The following SRGAP3 variants were observed in gnomAD, a reference collection of about 807,000 sequenced individuals.
The protein encoded by SRGAP3 is SLIT-ROBO Rho GTPase activating protein 3, also known as SLIT-ROBO Rho GTPase-activating protein 3.
In SRGAP3, 39 loss-of-function variants were observed where a neutral mutation model predicts 121.1. The observed-to-expected ratio is 0.32, with a 90% CI of 0.25 to 0.42. The LOEUF (loss-of-function observed/expected upper bound fraction) is 0.42, where lower values mean the gene tolerates loss of function less well. Among genes scored for constraint, SRGAP3 ranks in the 10% least tolerant of loss-of-function variants. SRGAP3 has a pLI of 1.00. For missense variants in SRGAP3, 1,213 were observed against 1,470.6 expected (o/e 0.82, Z 2.86); for synonymous variants, 601 against 570.0 (o/e 1.05, Z -0.77).
At chr3:9,159,289 G>A (rs1437491720) in intron 1 of SRGAP3, among the ~76,000 whole-genome samples, 7 of 127,902 alleles carry the variant, frequency 5.5e-5, no homozygotes, top group African/African-American at 8.9e-5. Flanking sequence ...ATGTCCTCTC[G>A]CTTTTCACAT....
At chr3:9,127,997 C>A (rs1476022725) in intron 1 of SRGAP3, among the ~76,000 whole-genome samples, 1 of 151,760 alleles carries the variant, frequency 6.6e-6, no homozygotes, top group Non-Finnish European at 1.5e-5. Flanking sequence ...CCAAACTCAT[C>A]AAGATGCATA....
intron 1 of SRGAP3, among the ~76,000 whole-genome samples, chr3:9,341,459 G>A (rs1409858059): frequency 6.6e-6 from 1 of 152,174 alleles, no homozygotes; most frequent in Non-Finnish European, 1.5e-5. Context: ...AAATACCCAG[G>A]AGAAGGAAAA....
intron 3 of SRGAP3, among the ~76,000 whole-genome samples, chr3:9,282,230 C>A (rs1050184165): frequency 6.6e-6 from 1 of 152,050 alleles, no homozygotes; most frequent in African/African-American, 2.4e-5. Context: ...TCAATAGTTA[C>A]CAAATTAAAA....
intron 18 of SRGAP3, among the ~76,000 whole-genome samples, chr3:8,996,073 G>C (rs1942383072): frequency 6.6e-6 from 1 of 152,174 alleles, no homozygotes; most frequent in South Asian, 2.1e-4. Flanking sequence ...GTGACCTTGG[G>C]ATACTTAGTT....
intron 3 of SRGAP3, among the ~76,000 whole-genome samples, chr3:9,089,667 A>C (rs1300776878): frequency 3.3e-5 from 5 of 152,168 alleles, no homozygotes; most frequent in African/African-American, 1.2e-4. Flanking sequence ...CTCTGCTAGG[A>C]ATAAACCAGA....
At chr3:9,331,564 T>C (rs1031838815) in intron 1 of SRGAP3, among the ~76,000 whole-genome samples, 3 of 152,222 alleles carry the variant, frequency 2.0e-5, no homozygotes, top group African/African-American at 7.2e-5. Context: ...ACTAGCCACA[T>C]GGTAGACTAA....
intron 4 of SRGAP3, among the ~76,000 whole-genome samples, chr3:9,076,239 C>T (rs1946970357): frequency 6.6e-6 from 1 of 152,110 alleles, no homozygotes; most frequent in Non-Finnish European, 1.5e-5. Context: ...TGTTCTAAGT[C>T]ACAGAGTTTC....
rs558995252 is a variant in SRGAP3, at chr3:9,230,903, C to G, written c.67+17982G>C. ...AAAAGAAAAGAAAAAAGAGCAGACTCGTAGCAGGACATGAAAAGGGGCCAA... is the reference window on the plus strand; with the variant it reads ...AAAAGAAAAGAAAAAAGAGCAGACTGGTAGCAGGACATGAAAAGGGGCCAA... On this transcript the variant is annotated intron_variant, in intron 1 of 21. Coordinates refer to ENST00000383836, the MANE Select transcript of SRGAP3 (RefSeq NM_014850.4). Among the ~76,000 whole-genome samples, 4 of 151,782 alleles carry G rather than the reference C, an allele frequency of 2.6e-5. No homozygotes were observed. In the East Asian group the frequency reaches 7.7e-4, roughly 29 times the overall value.
chr3:9,000,814 G>C (rs892099332), intron 18 of SRGAP3, among the ~76,000 whole-genome samples: 15 of 152,156 alleles, frequency 9.9e-5, no homozygotes, highest in African/African-American at 3.6e-4. Flanking sequence ...ACTGCTGAAA[G>C]AATAGCAATC....
intron 1 of SRGAP3, among the ~76,000 whole-genome samples, chr3:9,128,223 C>T (rs972337738): frequency 1.8e-4 from 28 of 152,172 alleles, no homozygotes; most frequent in African/African-American, 6.3e-4. Context: ...ATTTCCCATA[C>T]AAAGTTATGC....
rs199718543 is a variant in SRGAP3 at position 9,058,260 on chromosome 3, C to A, written c.1014G>T (p.Met338Ile). The A allele has an allele frequency of 6.2e-7, 1 of 1,614,190 alleles. No individual in the cohort carries two copies. The highest frequency in any genetic ancestry group is 8.5e-7 in the Non-Finnish European group (1 of 1,180,032). ...PPLKFEFQPH[M>I]GDEVCQVSAQ... ...CCAGGAGGAAGCCTACCTCATCCCC[C>A]ATGTGGGGCTGGAACTCGAACTTGA... Residue 338 changes from methionine (M) to isoleucine (I), a missense_variant, in exon 7 of 22, where the codon ATG becomes ATT. By Grantham distance (10) the Met-to-Ile change is conservative. This residue lies in a region of SRGAP3 where 793 missense variants were observed against 1,032.9 expected (regional missense o/e 0.77). Transcript: ENST00000383836.
chr3:9,200,517 T>C (rs1232737001), intron 1 of SRGAP3, among the ~76,000 whole-genome samples: 2 of 152,002 alleles, frequency 1.3e-5, no homozygotes, highest in Non-Finnish European at 2.9e-5. Flanking sequence ...ATGGAAGCAA[T>C]AAGGAGAAAG....
intron 1 of SRGAP3, among the ~76,000 whole-genome samples, chr3:9,208,380 C>T (rs1306477934): frequency 6.6e-6 from 1 of 152,182 alleles, no homozygotes; most frequent in Non-Finnish European, 1.5e-5. Flanking sequence ...CCCCAGTTGT[C>T]TCTCCACCAG....
At chr3:8,992,299 A>T (rs957934364) in intron 20 of SRGAP3, among the ~76,000 whole-genome samples, 1 of 152,158 alleles carries the variant, frequency 6.6e-6, no homozygotes, top group Non-Finnish European at 1.5e-5. Flanking sequence ...TTCCTCATTA[A>T]TTTTTTAAAA....
chr3:9,344,837 C>G (rs1383986500), intron 1 of SRGAP3, among the ~76,000 whole-genome samples: 2 of 151,972 alleles, frequency 1.3e-5, no homozygotes, highest in African/African-American at 4.8e-5. Flanking sequence ...GAAATCAAGA[C>G]CATCCTGGCC....
chr3:9,344,193 G>A (rs1008640061), intron 1 of SRGAP3, among the ~76,000 whole-genome samples: 5 of 151,790 alleles, frequency 3.3e-5, no homozygotes, highest in Non-Finnish European at 7.4e-5. Context: ...GGTGGCTCAC[G>A]CCTGTAATCC....
At chr3:9,006,106 A>C (rs66560729) in intron 18 of SRGAP3, among the ~76,000 whole-genome samples, 1 of 7,508 alleles carries the variant, frequency 1.3e-4, no homozygotes, top group Non-Finnish European at 3.4e-4. Context: ...TTAATTTCTT[A>C]TGAAAAGGAG....
At chr3:9,267,742 C>T (rs1422001450) in intron 3 of SRGAP3, among the ~76,000 whole-genome samples, 1 of 152,138 alleles carries the variant, frequency 6.6e-6, no homozygotes, top group African/African-American at 2.4e-5. Flanking sequence ...TAGCAGGGGA[C>T]AGGGGTATAT....
In SRGAP3 at chr3:9,064,420, C is replaced by T. The variant is rs369074306; in HGVS notation, c.648G>A (p.Lys216=). Residue 216 remains lysine, a synonymous_variant, in exon 5 of 22, where the codon AAG becomes AAA. Transcript: ENST00000383836. ...EDRPQRRSSV[K]KIEKMKEKRQ... is the part of the protein sequence containing the mutation. ...CCTTCTCCTTCATCTTCTCAATCTT[C>T]TTCACAGAGCTGCGGCGCTGGGGCC... 3 of 1,614,254 alleles carry T rather than the reference C, an allele frequency of 1.9e-6. No individual in the cohort carries two copies. Among genetic ancestry groups the T allele is most frequent in the Non-Finnish European group, 2.5e-6 (3 of 1,180,050 alleles).
Sources: gnomAD v4.1 joint callset for allele counts (sites outside exome capture counted in the v4.1 genomes callset) on GRCh38, gnomAD v4.1.1 for gene constraint, gnomAD v4.1.1 regional missense constraint, MANE v1.5 for transcripts, NCBI Gene and HGNC (gene_info 2026-07-23, HGNC 2026-07-21) for gene names.